The following SMC4 variants were observed in gnomAD, a reference collection of about 807,000 sequenced individuals.
SMC4 encodes structural maintenance of chromosomes protein 4.
Under a neutral mutation model 145.6 loss-of-function variants are expected in SMC4, and 87 were observed. The observed-to-expected ratio is 0.60, with a 90% CI of 0.50 to 0.71. The LOEUF is 0.71. Ranked by LOEUF, SMC4 falls within the 30% of genes least tolerant of loss-of-function variation. SMC4 has a pLI of 0.00. For missense variants in SMC4, 1,447 were observed against 1,537.1 expected, an observed-to-expected ratio of 0.94 and a Z score of 0.98; for synonymous variants, 558 against 500.7, an observed-to-expected ratio of 1.11 and a Z score of -1.53.
chr3:160,430,646 T>G lies in SMC4; in HGVS notation c.2843T>G (p.Ile948Arg), dbSNP rs142168074. The G allele has an allele frequency of 1.1e-4, 185 of 1,613,426 alleles. 1 individual carries two copies. The South Asian group carries it at 1.3e-3, about 12-fold the overall frequency. ...TCTGTCTTGCGTACAGAGAAAGAAATAAAAGATACTGAGAAAGAGGTGGAT... is the reference window on the plus strand; with the variant it reads ...TCTGTCTTGCGTACAGAGAAAGAAAGAAAAGATACTGAGAAAGAGGTGGAT... ...QDSVLRTEKE[I>R]KDTEKEVDDL... Residue 948 changes from isoleucine to arginine, a missense_variant, in exon 19 of 24, where the codon ATA becomes AGA. Physicochemically the swap from Ile to Arg is moderately conservative, Grantham distance 97. Transcript: ENST00000357388.
chr3:160,413,448 CTTTTT>C lies in SMC4; in HGVS notation c.981-16_981-12del. ...AATGGCATTTTAGGAGCTTCAATTT[CTTTTT>C]TTTTTTTTCCTCCCTATAGTTATGA... On this transcript the variant is annotated intron_variant, in intron 7 of 23. Transcript: ENST00000357388. The C allele has an allele frequency of 7.8e-7, 1 of 1,276,232 alleles. No homozygotes were observed. The highest frequency in any genetic ancestry group is 1.1e-6 in the Non-Finnish European group (1 of 934,974). The allele number at this position is 1,276,232 out of a possible 1,614,324, so 79.1% of individuals were successfully genotyped here. A position where few individuals can be genotyped will look rare whatever the true frequency, so the allele number is the denominator to read the frequency against.
chr3:160,412,742 T>C, intron 7 of SMC4: 8 of 754,072 alleles, frequency 1.1e-5, no homozygotes, highest in Non-Finnish European at 1.3e-5. Flanking sequence ...GTGAGGACTA[T>C]CTGGCTGTGA....
Position 160,432,693 on chromosome 3 carries a change from G to C in SMC4, c.3530+178G>C, listed in dbSNP as rs1718540416. 6.1e-5 allele frequency: 33 copies of C among 536,756 alleles called. 1 individual carries two copies. In the South Asian group the frequency reaches 9.7e-4, roughly 16 times the overall value. 33.2% of individuals were successfully genotyped at this position (536,756 alleles called of 1,614,324 possible). A position where few individuals can be genotyped will look rare whatever the true frequency, so the allele number is the denominator to read the frequency against. ...TGCAGTTTACAGGGGCAGACAGCCA[G>C]TATTTACAAAATATTTGTCTAGTTC... On this transcript the variant is annotated intron_variant, in intron 22 of 23. Transcript: ENST00000357388.
At chr3:160,427,677 C>A (rs184485530) in intron 17 of SMC4, among the ~76,000 whole-genome samples, 215 of 152,270 alleles carry the variant, frequency 1.4e-3, no homozygotes, top group African/African-American at 5.0e-3. Context: ...GTGGAGGACC[C>A]ATTTGTGCAA....
intron 23 of SMC4, 44 bp from the exon 24 acceptor site, chr3:160,433,613 A>G: frequency 3.3e-6 from 4 of 1,215,704 alleles, no homozygotes; most frequent in Non-Finnish European, 4.6e-6. Flanking sequence ...TGTGTGATTT[A>G]CCTGTTATTA....
intron 5 of SMC4, among the ~76,000 whole-genome samples, chr3:160,410,939 C>T (rs532603078): frequency 6.6e-6 from 1 of 152,178 alleles, no homozygotes; most frequent in South Asian, 2.1e-4. Context: ...AGAGGTATAT[C>T]TTTTTTCATT....
intron 17 of SMC4, among the ~76,000 whole-genome samples, chr3:160,427,989 T>C (rs956663439): frequency 4.6e-5 from 7 of 152,132 alleles, no homozygotes; most frequent in Non-Finnish European, 8.8e-5. Flanking sequence ...CACATGCTTA[T>C]AATCCCAGCT....
chr3:160,412,139 CAA>C (rs1716058250), intron 6 of SMC4, 55 bp downstream of exon 6: 1 of 1,558,118 alleles, frequency 6.4e-7, no homozygotes, highest in Non-Finnish European at 8.7e-7. Context: ...TATGATCTAA[CAA>C]ATTTTAGTAA....
rs1716923188 is a variant in SMC4, at chr3:160,419,344, A to G, written c.1672-14A>G. ...AGTTAATGCTTCTGGATTTCATTTT[A>G]TTTTCACTTTTAGAAAGAAAAAGAA... On this transcript the variant is annotated splice_polypyrimidine_tract_variant and intron_variant, in intron 11 of 23. Transcript: ENST00000357388. 2 of 1,552,684 alleles carry G rather than the reference A, an allele frequency of 1.3e-6. No individual in the cohort carries two copies. Among genetic ancestry groups the G allele is most frequent in the Non-Finnish European group, 1.7e-6 (2 of 1,144,830 alleles).
At chr3:160,432,882 T>C in intron 22 of SMC4, 144 bp from the exon 23 acceptor site, 1 of 628,986 alleles carries the variant, frequency 1.6e-6, no homozygotes, top group South Asian at 2.2e-5. Context: ...TTTTATAAAA[T>C]AACAGAAAAG....
intron 8 of SMC4, chr3:160,414,092 C>T (rs921602030): frequency 1.3e-5 from 6 of 445,836 alleles, no homozygotes; most frequent in Admixed American, 1.1e-4. Flanking sequence ...AATTTTACTC[C>T]TATGGTAAAA....
At chr3:160,409,096 C>G in intron 5 of SMC4, among the ~76,000 whole-genome samples, 1 of 143,604 alleles carries the variant, frequency 7.0e-6, no homozygotes, top group Admixed American at 6.8e-5. Flanking sequence ...GAAACCCCGT[C>G]TCTACTAAAA....
At chr3:160,433,419 C>A in intron 23 of SMC4, 1 of 536,716 alleles carries the variant, frequency 1.9e-6, no homozygotes, top group Non-Finnish European at 3.2e-6. Flanking sequence ...ATTAAAAATG[C>A]AAATTAGTAG....
intron 17 of SMC4, 117 bp from the exon 18 acceptor site, chr3:160,428,636 C>A: frequency 1.2e-6 from 1 of 836,218 alleles, no homozygotes; most frequent in Non-Finnish European, 1.8e-6. Context: ...TTCCCATATG[C>A]CTAAAATTTG....
intron 1 of SMC4, chr3:160,400,112 T>G (rs911542832): frequency 4.6e-5 from 7 of 152,314 alleles, no homozygotes; most frequent in Admixed American, 2.0e-4. Context: ...TGACCTTTCA[T>G]GGTTTACTGT....
chr3:160,401,099 T>A, intron 2 of SMC4, 134 bp downstream of exon 2: 1 of 1,206,560 alleles, frequency 8.3e-7, no homozygotes, highest in Non-Finnish European at 1.1e-6. Context: ...CGGTAGAGGC[T>A]CAGGAAAGCC....
At chr3:160,404,142 G>A (rs1215667831) in intron 4 of SMC4, 186 bp from the exon 5 acceptor site, 1 of 542,472 alleles carries the variant, frequency 1.8e-6, no homozygotes, top group East Asian at 3.4e-5. Flanking sequence ...GACCAAAACA[G>A]CATGGAAAAG....
chr3:160,411,008 C>G (rs755003794), intron 5 of SMC4, among the ~76,000 whole-genome samples: 1 of 152,164 alleles, frequency 6.6e-6, no homozygotes, highest in African/African-American at 2.4e-5. Flanking sequence ...ACTCCTATAA[C>G]GTAGCAGCAT....
rs139267592 is a variant in SMC4 at position 160,425,022 on chromosome 3, A to ATATGTGTG, written c.2478+4_2478+5insATGTGTGT. On this transcript the variant is annotated splice_donor_region_variant and intron_variant, in intron 16 of 23. Coordinates refer to ENST00000357388, the MANE Select transcript of SMC4 (RefSeq NM_001002800.3). ...AAAAATTTACTGCAAGCATCCAGGT[A>ATATGTGTG]TGTGTGTGTGTGTGTGTGTGTGTGT... is the stretch of plus-strand genomic sequence containing the variant. 7.5e-6 allele frequency: 11 copies of ATATGTGTG among 1,469,456 alleles called. No individual in the cohort carries two copies. The highest frequency in any genetic ancestry group is 4.4e-5 in the African/African-American group (3 of 68,472). The allele number at this position is 1,469,456 out of a possible 1,614,324, so 91.0% of individuals were successfully genotyped here.
Sources: gnomAD v4.1 joint callset for allele counts (sites outside exome capture counted in the v4.1 genomes callset) on GRCh38, gnomAD v4.1.1 for gene constraint, MANE v1.5 for transcripts, NCBI Gene and HGNC (gene_info 2026-07-23, HGNC 2026-07-21) for gene names.